The following BACH2 variants were observed in gnomAD, a reference collection of about 807,000 sequenced individuals.
The protein encoded by BACH2 is transcription regulator protein BACH2.
Under a neutral mutation model 61.8 loss-of-function variants are expected in BACH2, and 5 were observed. The observed-to-expected ratio is 0.08, with a 90% CI of 0.04 to 0.17. The LOEUF is 0.17. Ranked by LOEUF, BACH2 falls within the 10% of genes least tolerant of loss-of-function variation. BACH2 has a pLI of 1.00. For synonymous variants in BACH2, 446 were observed against 440.1 expected (o/e 1.01, Z -0.17); for missense variants, 824 against 1,091.1 (o/e 0.76, Z 3.45).
At chr6:89,987,618 T>C (rs1345395942) in intron 6 of BACH2, among the ~76,000 whole-genome samples, 1 of 152,146 alleles carries the variant, frequency 6.6e-6, no homozygotes, top group Admixed American at 6.5e-5. Context: ...GGAAGATAGA[T>C]TTCTGCCACA....
At chr6:90,151,803 G>A (rs968349302) in intron 4 of BACH2, among the ~76,000 whole-genome samples, 19 of 152,174 alleles carry the variant, frequency 1.2e-4, no homozygotes, top group African/African-American at 3.9e-4. Flanking sequence ...AAATACTTGA[G>A]TCATCTTGTA....
chr6:90,136,160 C>T (rs781602829), intron 4 of BACH2, among the ~76,000 whole-genome samples: 3 of 152,180 alleles, frequency 2.0e-5, no homozygotes, highest in Non-Finnish European at 4.4e-5. Flanking sequence ...TGTGACTCTG[C>T]GCTGTTTTGT....
intron 6 of BACH2, among the ~76,000 whole-genome samples, chr6:89,991,836 A>G (rs1433027968): frequency 1.3e-5 from 2 of 152,146 alleles, no homozygotes; most frequent in Admixed American, 1.3e-4. Context: ...ATATTTTTGA[A>G]AAGTTCAGGC....
At chr6:90,029,075 G>T in intron 5 of BACH2, among the ~76,000 whole-genome samples, 1 of 152,118 alleles carries the variant, frequency 6.6e-6, no homozygotes, top group South Asian at 2.1e-4. Flanking sequence ...CTTCACGTAA[G>T]TATTTCCTGC....
chr6:90,091,734 T>TG (rs1052072945), intron 4 of BACH2, among the ~76,000 whole-genome samples: 9 of 152,198 alleles, frequency 5.9e-5, no homozygotes, highest in African/African-American at 1.7e-4. Context: ...GTTTGAGGAG[T>TG]GGGGGGTGCA....
At chr6:89,948,605 A>C (rs1773888792) in intron 7 of BACH2, among the ~76,000 whole-genome samples, 1 of 152,204 alleles carries the variant, frequency 6.6e-6, no homozygotes, top group Non-Finnish European at 1.5e-5. Flanking sequence ...GATGCGGATG[A>C]GGTGGACGCA....
At chr6:90,024,680 T>C (rs974003281) in intron 5 of BACH2, among the ~76,000 whole-genome samples, 5 of 152,152 alleles carry the variant, frequency 3.3e-5, no homozygotes, top group Admixed American at 6.6e-5. Context: ...AAGCTAGAGA[T>C]GCTCAAAAGA....
intron 6 of BACH2, among the ~76,000 whole-genome samples, chr6:89,968,821 A>C (rs551958218): frequency 1.3e-5 from 2 of 152,056 alleles, no homozygotes; most frequent in Admixed American, 1.3e-4. Context: ...GACCAGCCTG[A>C]CCAACATGGT....
chr6:90,135,842 T>G (rs1784253740), intron 4 of BACH2, among the ~76,000 whole-genome samples: 1 of 152,208 alleles, frequency 6.6e-6, no homozygotes, highest in Non-Finnish European at 1.5e-5. Flanking sequence ...GACTCAGGTC[T>G]CATGGCTGGC....
intron 5 of BACH2, among the ~76,000 whole-genome samples, chr6:90,021,347 A>G (rs1562375750): frequency 6.6e-6 from 1 of 151,974 alleles, no homozygotes; most frequent in African/African-American, 2.4e-5. Flanking sequence ...GGGATCTGAA[A>G]AGCTGCAATT....
chr6:89,977,709 G>A (rs753461972), intron 6 of BACH2, among the ~76,000 whole-genome samples: 80 of 152,016 alleles, frequency 5.3e-4, no homozygotes, highest in Non-Finnish European at 8.5e-4. Flanking sequence ...ATTATATATC[G>A]AGATTATATT....
At chr6:89,999,241 G>C (rs925279889) in intron 6 of BACH2, among the ~76,000 whole-genome samples, 1 of 152,182 alleles carries the variant, frequency 6.6e-6, no homozygotes, top group African/African-American at 2.4e-5. Context: ...AATGAGGACA[G>C]GTATTAACAG....
intron 4 of BACH2, among the ~76,000 whole-genome samples, chr6:90,096,024 T>C (rs1782368540): frequency 6.6e-6 from 1 of 152,154 alleles, no homozygotes; most frequent in South Asian, 2.1e-4. Context: ...TCCTCTACAA[T>C]GTGGGGAGAC....
intron 6 of BACH2, among the ~76,000 whole-genome samples, chr6:89,973,284 G>GA (rs58369021): frequency 1 from 152,257 of 152,258 alleles, 76,128 homozygotes; most frequent in Non-Finnish European, 1. Context: ...AAGGTGATTG[G>GA]AAAATAGATG....
At chr6:90,016,273 T>A (rs1015298002) in intron 5 of BACH2, among the ~76,000 whole-genome samples, 2 of 152,224 alleles carry the variant, frequency 1.3e-5, no homozygotes, top group African/African-American at 2.4e-5. Flanking sequence ...ATGTGACAAT[T>A]GATTTGGCTA....
intron 1 of BACH2, among the ~76,000 whole-genome samples, chr6:90,289,348 C>T (rs758045289): frequency 6.6e-6 from 1 of 152,190 alleles, no homozygotes; most frequent in Non-Finnish European, 1.5e-5. Context: ...CTAGTGATCA[C>T]ACCTAGCCCT....
chr6:90,200,656 A>G (rs1250558957), intron 4 of BACH2, among the ~76,000 whole-genome samples: 1 of 152,206 alleles, frequency 6.6e-6, no homozygotes, highest in Non-Finnish European at 1.5e-5. Flanking sequence ...AATGAAATAC[A>G]CAAATATTGT....
intron 1 of BACH2, among the ~76,000 whole-genome samples, chr6:90,278,107 G>A (rs923461130): frequency 1.3e-5 from 2 of 152,094 alleles, no homozygotes; most frequent in Non-Finnish European, 2.9e-5. Context: ...AATAATTTTC[G>A]GAAGAGTGTC....
At chr6:90,128,033 C>G (rs923691471) in intron 4 of BACH2, among the ~76,000 whole-genome samples, 2 of 148,598 alleles carry the variant, frequency 1.3e-5, no homozygotes, top group African/African-American at 2.6e-5. Flanking sequence ...TTCCCTTATG[C>G]CCCCCCATCT....
Sources: allele counts gnomAD v4.1 joint callset (sites outside exome capture counted in the v4.1 genomes callset), GRCh38; gene constraint gnomAD v4.1.1; transcripts MANE v1.5; gene names NCBI Gene and HGNC (gene_info 2026-07-23, HGNC 2026-07-21).